The following NRG3 variants were observed in gnomAD, a reference collection of about 807,000 sequenced individuals.
NRG3 encodes the protein pro-neuregulin-3, membrane-bound isoform.
NRG3 carries 31 observed loss-of-function variants against 66.9 expected under a neutral mutation model. The ratio of observed to expected loss-of-function variants is 0.46; its 90% CI spans 0.35 to 0.63. The LOEUF is 0.63. NRG3 is among the 20% of genes least tolerant of loss of function. The probability of loss-of-function intolerance (pLI) is 0.00; values close to 1 mark genes in which losing one functional copy is unlikely to be tolerated. For synonymous variants in NRG3, 393 were observed against 359.4 expected (o/e 1.09, Z -1.06); for missense variants, 910 against 878.9 (o/e 1.04, Z -0.45).
chr10:81,948,526 G>C (rs919789201), intron 1 of NRG3, among the ~76,000 whole-genome samples: 1 of 152,178 alleles, frequency 6.6e-6, no homozygotes, highest in Admixed American at 6.6e-5. Context: ...TCTTGTCTGC[G>C]TTTAGCCCTT....
intron 1 of NRG3, among the ~76,000 whole-genome samples, chr10:82,354,072 T>G (rs1426064643): frequency 5.8e-5 from 8 of 138,908 alleles, no homozygotes; most frequent in Non-Finnish European, 1.2e-4. Flanking sequence ...CAGCCCTGTC[T>G]CAAACAGGCT....
intron 1 of NRG3, among the ~76,000 whole-genome samples, chr10:82,231,176 C>T (rs1362912201): frequency 1.3e-5 from 2 of 152,004 alleles, no homozygotes; most frequent in African/African-American, 4.8e-5. Context: ...AACCCCGTCT[C>T]TACTAAAAAT....
At chr10:82,959,412 G>A (rs1850389485) in intron 6 of NRG3, among the ~76,000 whole-genome samples, 1 of 152,130 alleles carries the variant, frequency 6.6e-6, no homozygotes, top group Non-Finnish European at 1.5e-5. Flanking sequence ...AATGTCCCTT[G>A]CCATAAGGGA....
intron 2 of NRG3, among the ~76,000 whole-genome samples, chr10:82,720,816 T>C (rs74146507): frequency 1.3e-3 from 29 of 21,882 alleles, no homozygotes; most frequent in African/African-American, 3.9e-3. Flanking sequence ...TATACATATA[T>C]ATATATATAT....
chr10:82,246,234 A>G (rs1025474750), intron 1 of NRG3, among the ~76,000 whole-genome samples: 9 of 152,140 alleles, frequency 5.9e-5, no homozygotes, highest in African/African-American at 1.9e-4. Context: ...GGCAGTGACC[A>G]TCTCCCTTAT....
intron 1 of NRG3, among the ~76,000 whole-genome samples, chr10:81,883,296 C>A (rs1399310129): frequency 6.6e-6 from 1 of 152,118 alleles, no homozygotes; most frequent in Non-Finnish European, 1.5e-5. Context: ...TTCTTCAAAT[C>A]TGTGTTTGTT....
intron 2 of NRG3, among the ~76,000 whole-genome samples, chr10:82,415,416 T>C (rs2088476554): frequency 6.6e-6 from 1 of 152,192 alleles, no homozygotes; most frequent in African/African-American, 2.4e-5. Context: ...ATGAGTGCCC[T>C]TAATTTGTAT....
At chr10:82,977,710 A>G (rs1429971877) in intron 7 of NRG3, among the ~76,000 whole-genome samples, 6 of 152,092 alleles carry the variant, frequency 3.9e-5, no homozygotes, top group Admixed American at 2.6e-4. Context: ...CTTGAGGAAT[A>G]TAAAGTTTGA....
chr10:82,164,370 T>C (rs938326422), intron 1 of NRG3, among the ~76,000 whole-genome samples: 1 of 152,150 alleles, frequency 6.6e-6, no homozygotes, highest in Non-Finnish European at 1.5e-5. Context: ...AGATTTCAAG[T>C]CCTCTCTTCT....
chr10:82,113,872 G>A (rs1187885382), intron 1 of NRG3, among the ~76,000 whole-genome samples: 1 of 152,130 alleles, frequency 6.6e-6, no homozygotes, highest in East Asian at 1.9e-4. Context: ...ATTTCATGTG[G>A]TTTAACCTTA....
chr10:82,840,718 C>G (rs34001969), intron 3 of NRG3, among the ~76,000 whole-genome samples: 1 of 152,016 alleles, frequency 6.6e-6, no homozygotes, highest in Admixed American at 6.5e-5. Context: ...ACATAGGGAA[C>G]AGAGCACCCT....
intron 3 of NRG3, among the ~76,000 whole-genome samples, chr10:82,857,968 A>C (rs985982482): frequency 6.6e-6 from 1 of 152,148 alleles, no homozygotes; most frequent in Non-Finnish European, 1.5e-5. Context: ...CAGCTCCTGG[A>C]AAGGAGCTTT....
intron 1 of NRG3, among the ~76,000 whole-genome samples, chr10:81,970,536 T>C (rs752421530): frequency 3.9e-5 from 6 of 152,238 alleles, no homozygotes; most frequent in Non-Finnish European, 5.9e-5. Context: ...CAATCTATGT[T>C]AGATATTTGA....
intron 1 of NRG3, among the ~76,000 whole-genome samples, chr10:82,247,178 A>G (rs17099658): frequency 0.041 from 6,231 of 152,268 alleles, 208 homozygotes; most frequent in East Asian, 0.14. Context: ...TGTGGGATGC[A>G]CCTTATGAAG....
chr10:82,444,578 T>G (rs554099026), intron 2 of NRG3, among the ~76,000 whole-genome samples: 1 of 151,580 alleles, frequency 6.6e-6, no homozygotes, highest in South Asian at 2.1e-4. Flanking sequence ...GGGGGGAAAA[T>G]GAGGGGAGGG....
intron 4 of NRG3, among the ~76,000 whole-genome samples, chr10:82,879,365 T>A (rs906199305): frequency 6.6e-6 from 1 of 152,108 alleles, no homozygotes; most frequent in Non-Finnish European, 1.5e-5. Flanking sequence ...CACAAGACCA[T>A]GCAATTTAGT....
chr10:82,565,266 T>G (rs2133058181), intron 2 of NRG3, among the ~76,000 whole-genome samples: 1 of 152,250 alleles, frequency 6.6e-6, no homozygotes, highest in East Asian at 1.9e-4. Context: ...ACACATTTGG[T>G]CTTCTAGGCA....
At position 82,154,547 on chromosome 10, in the gene NRG3, TG is replaced by T. The variant is rs201051574; in HGVS notation, c.824-204188del. Reference sequence around the variant, plus strand: ...TTTGCTCAAGATTGCTTTGGCTATTTGGGGTTTTTTTTTTGTTTCATATAAA... The same window carrying T: ...TTTGCTCAAGATTGCTTTGGCTATTTGGGTTTTTTTTTTGTTTCATATAAA... On this transcript the variant is annotated intron_variant, in intron 1 of 8. Coordinates refer to ENST00000372141, the MANE Select transcript of NRG3 (RefSeq NM_001010848.4). 5.4e-3 allele frequency among the ~76,000 whole-genome samples: 819 copies of T among 151,654 alleles called. 6 individuals carry two copies. Among genetic ancestry groups the T allele is most frequent in the African/African-American group, 0.019 (782 of 41,466 alleles).
intron 2 of NRG3, among the ~76,000 whole-genome samples, chr10:82,675,803 ACT>A (rs2053642557): frequency 2.0e-5 from 3 of 152,194 alleles, no homozygotes; most frequent in Admixed American, 1.3e-4. Flanking sequence ...TAATTTTCTC[ACT>A]GTTATAATTT....
Sources: allele counts gnomAD v4.1 joint callset (sites outside exome capture counted in the v4.1 genomes callset), GRCh38; gene constraint gnomAD v4.1.1; transcripts MANE v1.5; gene names NCBI Gene and HGNC (gene_info 2026-07-23, HGNC 2026-07-21).